The following PTPRM variants were observed in gnomAD, a reference collection of about 807,000 sequenced individuals.
The protein encoded by PTPRM is protein tyrosine phosphatase receptor type M, also known as receptor-type tyrosine-protein phosphatase mu.
PTPRM carries 47 observed loss-of-function variants against 186.7 expected under a neutral mutation model. The ratio of observed to expected loss-of-function variants is 0.25; its 90% confidence interval spans 0.20 to 0.32. The LOEUF (loss-of-function observed/expected upper bound fraction) is 0.32, where lower values mean the gene tolerates loss of function less well. Ranked by LOEUF, PTPRM falls within the 10% of genes least tolerant of loss-of-function variation. The pLI is 1.00. For synonymous variants in PTPRM, 668 were observed against 674.9 expected (o/e 0.99, Z 0.16); for missense variants, 1,494 against 1,865.0 (o/e 0.80, Z 3.66).
chr18:7,683,711 C>G (rs914009481), intron 1 of PTPRM, among the ~76,000 whole-genome samples: 1 of 152,142 alleles, frequency 6.6e-6, no homozygotes, highest in Non-Finnish European at 1.5e-5. Context: ...TAAATTGCTA[C>G]AAATTTAGCA....
intron 1 of PTPRM, among the ~76,000 whole-genome samples, chr18:7,641,439 G>T (rs1422640673): frequency 6.6e-6 from 1 of 152,088 alleles, no homozygotes; most frequent in East Asian, 1.9e-4. Flanking sequence ...AGATATGATT[G>T]CTATCACATA....
chr18:7,883,137 G>A (rs554096972), intron 2 of PTPRM, among the ~76,000 whole-genome samples: 62 of 152,270 alleles, frequency 4.1e-4, no homozygotes, highest in African/African-American at 1.5e-3. Flanking sequence ...ATATACTAGT[G>A]ACTTAAGGGT....
At chr18:7,704,865 G>A (rs1000039094) in intron 1 of PTPRM, among the ~76,000 whole-genome samples, 1 of 152,050 alleles carries the variant, frequency 6.6e-6, no homozygotes, top group South Asian at 2.1e-4. Flanking sequence ...AGAATCTTGG[G>A]ACATAGAACA....
At chr18:8,083,119 G>A (rs550779273) in intron 9 of PTPRM, among the ~76,000 whole-genome samples, 19 of 152,044 alleles carry the variant, frequency 1.2e-4, no homozygotes, top group Non-Finnish European at 2.4e-4. Context: ...GGACTCTGCT[G>A]TACTTCCTAG....
intron 32 of PTPRM, chr18:8,403,025 A>C (rs2095880399): frequency 6.6e-6 from 1 of 152,218 alleles, no homozygotes; most frequent in Non-Finnish European, 1.5e-5. Flanking sequence ...AAATTGAGAA[A>C]GCTGGAAGGG....
chr18:8,164,325 A>G (rs2093283213), intron 14 of PTPRM, among the ~76,000 whole-genome samples: 1 of 152,212 alleles, frequency 6.6e-6, no homozygotes, highest in Non-Finnish European at 1.5e-5. Flanking sequence ...TACCGCCATT[A>G]TTTACAAAAA....
intron 19 of PTPRM, among the ~76,000 whole-genome samples, chr18:8,271,662 C>G (rs958745784): frequency 6.6e-6 from 1 of 151,798 alleles, no homozygotes; most frequent in Non-Finnish European, 1.5e-5. Flanking sequence ...TAATTTTTTT[C>G]AGTAGTTAAT....
chr18:7,587,050 G>A (rs950784121), intron 1 of PTPRM, among the ~76,000 whole-genome samples: 5 of 151,868 alleles, frequency 3.3e-5, no homozygotes, highest in Non-Finnish European at 4.4e-5. Flanking sequence ...TACTTATCAG[G>A]CTTCTCTGTA....
chr18:7,583,789 C>T (rs527600859), intron 1 of PTPRM, among the ~76,000 whole-genome samples: 2 of 152,234 alleles, frequency 1.3e-5, no homozygotes, highest in African/African-American at 2.4e-5. Context: ...ATCTGTTTAA[C>T]GTGAAAGGTG....
In PTPRM at chr18:8,202,834, G is replaced by A. The variant is rs1173971149; in HGVS notation, c.2301-41224G>A. On this transcript the variant is annotated intron_variant, in intron 14 of 32. Coordinates refer to ENST00000580170, the MANE Select transcript of PTPRM (RefSeq NM_001105244.2). ...TATCTTAATAAAATATAATTGGGCC[G>A]GTAGACGTTTCTTTCTATTTGAAAA... Among the ~76,000 whole-genome samples the A allele has an allele frequency of 2.6e-5, 4 of 151,920 alleles. No individual in the cohort carries two copies. The South Asian group carries it at 6.2e-4, about 24-fold the overall frequency.
intron 1 of PTPRM, among the ~76,000 whole-genome samples, chr18:7,688,540 G>A (rs1053655800): frequency 1.3e-5 from 2 of 152,154 alleles, no homozygotes; most frequent in Non-Finnish European, 2.9e-5. Context: ...GTTAGGTGTT[G>A]GGTAAAACTA....
At chr18:8,337,763 G>T (rs968341457) in intron 22 of PTPRM, among the ~76,000 whole-genome samples, 6 of 152,194 alleles carry the variant, frequency 3.9e-5, no homozygotes, top group African/African-American at 1.2e-4. Flanking sequence ...CAGCAGAGGG[G>T]GGTCTTGCGG....
At chr18:7,664,471 T>C (rs960771376) in intron 1 of PTPRM, among the ~76,000 whole-genome samples, 1 of 152,214 alleles carries the variant, frequency 6.6e-6, no homozygotes, top group Non-Finnish European at 1.5e-5. Context: ...TCCACGGCCC[T>C]AAGCTGGAGG....
intron 2 of PTPRM, among the ~76,000 whole-genome samples, chr18:7,826,446 G>T (rs944951488): frequency 2.6e-5 from 4 of 152,206 alleles, no homozygotes; most frequent in Non-Finnish European, 4.4e-5. Context: ...CTTATTAGTT[G>T]TGCTATCCTG....
At chr18:7,617,633 A>T (rs1292020535) in intron 1 of PTPRM, among the ~76,000 whole-genome samples, 1 of 152,172 alleles carries the variant, frequency 6.6e-6, no homozygotes, top group Admixed American at 6.5e-5. Flanking sequence ...TAATCAAAAA[A>T]CTTAATTTTA....
intron 23 of PTPRM, among the ~76,000 whole-genome samples, chr18:8,354,131 T>C (rs603371): frequency 0.81 from 121,907 of 151,162 alleles, 50,466 homozygotes; most frequent in Middle Eastern, 0.97. Flanking sequence ...GAGAATCGCT[T>C]GAACCCAGGA....
At chr18:8,260,734 C>G (rs1363252931) in intron 19 of PTPRM, among the ~76,000 whole-genome samples, 1 of 152,198 alleles carries the variant, frequency 6.6e-6, no homozygotes, top group African/African-American at 2.4e-5. Flanking sequence ...CTGCAGAGAT[C>G]GCAGTTCTGA....
chr18:8,255,668 T>C (rs941175606), intron 19 of PTPRM, among the ~76,000 whole-genome samples: 7 of 152,120 alleles, frequency 4.6e-5, no homozygotes, highest in Non-Finnish European at 1.0e-4. Context: ...ACACATATAC[T>C]AGAGATGATA....
At chr18:7,809,823 G>T (rs2044417839) in intron 2 of PTPRM, among the ~76,000 whole-genome samples, 1 of 152,194 alleles carries the variant, frequency 6.6e-6, no homozygotes, top group Non-Finnish European at 1.5e-5. Flanking sequence ...GAGGGTGATG[G>T]TAGACTAGGG....
Sources: allele counts gnomAD v4.1 joint callset (sites outside exome capture counted in the v4.1 genomes callset), GRCh38; gene constraint gnomAD v4.1.1; transcripts MANE v1.5; gene names NCBI Gene and HGNC (gene_info 2026-07-23, HGNC 2026-07-21).